PRTFDC1: variants seen among roughly 807,000 people sequenced by gnomAD.
PRTFDC1 encodes phosphoribosyl transferase domain containing 1, also known as phosphoribosyltransferase domain-containing protein 1.
Under a neutral mutation model 34.6 loss-of-function variants are expected in PRTFDC1, and 38 were observed. The ratio of observed to expected loss-of-function variants is 1.10; its 90% CI spans 0.85 to 1.44. The LOEUF (loss-of-function observed/expected upper bound fraction) is 1.44. PRTFDC1 is among the 40% of genes most tolerant of loss of function. PRTFDC1 has a pLI of 0.00. For missense variants in PRTFDC1, 270 were observed against 283.0 expected (o/e 0.95, Z 0.33); for synonymous variants, 93 against 98.1 (o/e 0.95, Z 0.31).
intron 3 of PRTFDC1, among the ~76,000 whole-genome samples, chr10:24,883,766 T>C (rs1031269817): frequency 6.6e-5 from 10 of 151,628 alleles, no homozygotes; most frequent in Non-Finnish European, 8.8e-5. Context: ...GCAAAGTTTA[T>C]GTTTTAAAAT....
chr10:24,913,532 C>T (rs957743402), intron 3 of PRTFDC1, among the ~76,000 whole-genome samples: 1 of 152,140 alleles, frequency 6.6e-6, no homozygotes, highest in Non-Finnish European at 1.5e-5. Context: ...AAATTTCCAC[C>T]ATGATCATGA....
intron 2 of PRTFDC1, among the ~76,000 whole-genome samples, chr10:24,937,702 C>T (rs1450703809): frequency 6.6e-6 from 1 of 151,838 alleles, no homozygotes; most frequent in Non-Finnish European, 1.5e-5. Context: ...GGAATACAGG[C>T]GCCTGCCACT....
rs974004239 is a variant in PRTFDC1, at chr10:24,951,597, C to G, written c.48+931G>C. The G allele has an allele frequency of 1.1e-5, 11 of 985,300 alleles. No individual in the cohort carries two copies. In the African/African-American group the frequency reaches 1.9e-4, roughly 17 times the overall value. 61.0% of individuals were successfully genotyped at this position (985,300 alleles called of 1,614,324 possible). ...TCATAAACAGATTATCTGTGAATGA[C>G]AAGCTGATCCCTGGAAAGAGATGGC... On this transcript the variant is annotated intron_variant, in intron 1 of 8. Coordinates refer to ENST00000320152, the MANE Select transcript of PRTFDC1 (RefSeq NM_020200.7).
chr10:24,850,447 C>T (rs1847465490), intron 8 of PRTFDC1, among the ~76,000 whole-genome samples: 1 of 152,044 alleles, frequency 6.6e-6, no homozygotes, highest in Non-Finnish European at 1.5e-5. Flanking sequence ...GCCTGGACAG[C>T]ATACGAAGAC....
intron 3 of PRTFDC1, chr10:24,908,886 C>A: frequency 1.3e-6 from 1 of 746,504 alleles, no homozygotes; most frequent in East Asian, 2.9e-5. Flanking sequence ...GGTGAGAATG[C>A]AGGATGGAGG....
chr10:24,945,907 G>A (rs1849244317), intron 1 of PRTFDC1, among the ~76,000 whole-genome samples: 1 of 152,128 alleles, frequency 6.6e-6, no homozygotes, highest in South Asian at 2.1e-4. Flanking sequence ...ACAGCAGCTG[G>A]CCAGAGTCTA....
chr10:24,864,748 T>G (rs1394496669), intron 4 of PRTFDC1, among the ~76,000 whole-genome samples: 1 of 152,130 alleles, frequency 6.6e-6, no homozygotes, highest in Non-Finnish European at 1.5e-5. Flanking sequence ...CCACAATAAC[T>G]CTGAGATATG....
intron 4 of PRTFDC1, among the ~76,000 whole-genome samples, chr10:24,861,102 G>C (rs1847672959): frequency 6.6e-6 from 1 of 152,200 alleles, no homozygotes; most frequent in Non-Finnish European, 1.5e-5. Context: ...ATAGTGGTAA[G>C]TGGGAAGTAG....
chr10:24,932,356 C>A (rs1353284396), intron 3 of PRTFDC1, among the ~76,000 whole-genome samples: 1 of 151,762 alleles, frequency 6.6e-6, no homozygotes, highest in Non-Finnish European at 1.5e-5. Context: ...AAGGAAGAAG[C>A]AAAATCATCT....
At chr10:24,908,742 G>T in intron 3 of PRTFDC1, 1 of 1,507,314 alleles carries the variant, frequency 6.6e-7, no homozygotes. Flanking sequence ...TACCTAGCCA[G>T]CCCGATCAGC....
chr10:24,924,528 A>G (rs1296149597), intron 3 of PRTFDC1, among the ~76,000 whole-genome samples: 1 of 152,248 alleles, frequency 6.6e-6, no homozygotes, highest in Non-Finnish European at 1.5e-5. Flanking sequence ...ATCAGAGTGA[A>G]CAGACAACCT....
chr10:24,925,170 G>A (rs530056560), intron 3 of PRTFDC1, among the ~76,000 whole-genome samples: 2 of 152,282 alleles, frequency 1.3e-5, no homozygotes, highest in South Asian at 4.1e-4. Flanking sequence ...TCCTTTGCAG[G>A]GACATGGATG....
intron 3 of PRTFDC1, 63 bp downstream of exon 3, chr10:24,937,121 G>T: frequency 2.4e-5 from 33 of 1,351,442 alleles, no homozygotes; most frequent in Middle Eastern, 1.9e-4. Context: ...TAACATTATT[G>T]ATTCTTTTAT....
At chr10:24,902,798 G>A (rs565153972) in intron 3 of PRTFDC1, among the ~76,000 whole-genome samples, 2 of 152,266 alleles carry the variant, frequency 1.3e-5, no homozygotes, top group Admixed American at 6.5e-5. Flanking sequence ...TATTGGTTTG[G>A]ATATTTATTC....
At chr10:24,931,227 G>C (rs1258916762) in intron 3 of PRTFDC1, among the ~76,000 whole-genome samples, 1 of 152,060 alleles carries the variant, frequency 6.6e-6, no homozygotes, top group African/African-American at 2.4e-5. Flanking sequence ...TATAGAGGCA[G>C]CTAAAGAAGT....
At chr10:24,942,962 A>C (rs1006503959) in intron 1 of PRTFDC1, among the ~76,000 whole-genome samples, 1 of 152,060 alleles carries the variant, frequency 6.6e-6, no homozygotes, top group Non-Finnish European at 1.5e-5. Context: ...ATACAATAAA[A>C]ATATAAAGTC....
At chr10:24,916,551 A>G (rs1257286414) in intron 3 of PRTFDC1, among the ~76,000 whole-genome samples, 1 of 152,118 alleles carries the variant, frequency 6.6e-6, no homozygotes, top group East Asian at 1.9e-4. Context: ...TGTGTCAAGC[A>G]CATTGCCACC....
chr10:24,874,990 C>A (rs1350375728), intron 3 of PRTFDC1, among the ~76,000 whole-genome samples: 1 of 152,202 alleles, frequency 6.6e-6, no homozygotes, highest in East Asian at 1.9e-4. Context: ...TTCCTGCCAT[C>A]ATGTGAAGAA....
At chr10:24,850,722 A>T (rs1173266717) in intron 8 of PRTFDC1, among the ~76,000 whole-genome samples, 2 of 152,198 alleles carry the variant, frequency 1.3e-5, no homozygotes, top group African/African-American at 2.4e-5. Context: ...TGAAGCAACT[A>T]GAAGGCAGGA....
Sources: allele counts gnomAD v4.1 joint callset (sites outside exome capture counted in the v4.1 genomes callset), GRCh38; gene constraint gnomAD v4.1.1; transcripts MANE v1.5; gene names NCBI Gene and HGNC (gene_info 2026-07-23, HGNC 2026-07-21).